Variants in C1QTNF9B observed in about 807,000 individuals in gnomAD.
The protein encoded by C1QTNF9B is complement C1q and tumor necrosis factor-related protein 9B.
In C1QTNF9B, 9 loss-of-function variants were observed where a neutral mutation model predicts 10.1. The observed-to-expected ratio is 0.89, with a 90% CI of 0.53 to 1.55. The LOEUF is 1.55. Ranked by LOEUF, C1QTNF9B falls within the 40% of genes most tolerant of loss-of-function variation. C1QTNF9B has a pLI of 0.00. For synonymous variants in C1QTNF9B, 79 were observed against 159.9 expected, an observed-to-expected ratio of 0.49 and a Z score of 3.82; for missense variants, 196 against 414.4, an observed-to-expected ratio of 0.47 and a Z score of 4.58.
At position 23,894,214 on chromosome 13, in the gene C1QTNF9B, G is replaced by A. The variant is rs1182449130; in HGVS notation, c.167-13C>T. 6.8e-7 allele frequency: 1 copy of A among 1,477,222 alleles called. No homozygotes were observed. 91.5% of individuals were successfully genotyped at this position (1,477,222 alleles called of 1,614,324 possible). A position where few individuals can be genotyped will look rare whatever the true frequency, so the allele number is the denominator to read the frequency against. On this transcript the variant is annotated splice_polypyrimidine_tract_variant and intron_variant, in intron 1 of 2. Coordinates refer to ENST00000382137, the Ensembl canonical transcript of C1QTNF9B. ...CATCCTGGTTCTCCTAGGTGGAAAA[G>A]CAGAAAACAGGCATGAGTTGAAATT...
At chr13:23,892,566 G>C (rs1378425631) in intron 2 of C1QTNF9B, among the ~76,000 whole-genome samples, 1 of 152,144 alleles carries the variant, frequency 6.6e-6, no homozygotes, top group Non-Finnish European at 1.5e-5. Flanking sequence ...GAGGTGGGAG[G>C]ATGGCTTGAG....
rs200382227 is a variant in C1QTNF9B at position 23,891,529 on chromosome 13, G to T, written c.762C>A (p.His254Gln). 1.4e-5 allele frequency: 22 copies of T among 1,608,104 alleles called. 1 individual carries two copies. Among genetic ancestry groups the T allele is most frequent in the Admixed American group, 3.4e-5 (2 of 59,674 alleles). ...GAACATTCCTGGAGAAAACAGTGAT[G>T]TGGTAGGTGAAGTAATAGACCCCAG... is the stretch of plus-strand genomic sequence containing the variant. Residue 254 changes from histidine (H) to glutamine (Q), a missense_variant, in exon 3 of 3, where the codon CAC (histidine) becomes CAA (glutamine). Around this residue, in one of 5 missense-constraint regions of C1QTNF9B, gnomAD observed 28 missense variants for 74.9 expected, o/e 0.37. Transcript: ENST00000382137.
At position 23,892,096 on chromosome 13, in the gene C1QTNF9B, G is replaced by A. The variant is rs776195841; in HGVS notation, c.230-35C>T. Reference sequence around the variant, plus strand: ...GAAAGAGCAAATAAAGAGATAGTTTGTGAAAGATTCCCTTGTGAACAACTT... The same window carrying A: ...GAAAGAGCAAATAAAGAGATAGTTTATGAAAGATTCCCTTGTGAACAACTT... On this transcript the variant is annotated intron_variant, in intron 2 of 2. Coordinates refer to ENST00000382137, the Ensembl canonical transcript of C1QTNF9B. 18 of 1,608,150 alleles carry A rather than the reference G, an allele frequency of 1.1e-5. No homozygotes were observed. The East Asian group carries it at 4.0e-4, about 36-fold the overall frequency.
intron 1 of C1QTNF9B, chr13:23,894,655 A>G (rs974383197): frequency 4.6e-5 from 21 of 459,488 alleles, no homozygotes; most frequent in Non-Finnish European, 8.7e-5. Flanking sequence ...ATGAAAACAC[A>G]GATGACTATG....
intron 1 of C1QTNF9B, among the ~76,000 whole-genome samples, chr13:23,896,034 G>A (rs1211524997): frequency 6.6e-6 from 1 of 152,244 alleles, no homozygotes; most frequent in Non-Finnish European, 1.5e-5. Flanking sequence ...ATGCCATAAA[G>A]TGAGACATGT....
rs112644724 is a variant in C1QTNF9B, at chr13:23,892,340, T to TA, written c.230-280dup. Among the ~76,000 whole-genome samples the TA allele has an allele frequency of 1.8e-3, 269 of 151,930 alleles. 1 individual carries two copies. The highest frequency in any genetic ancestry group is 6.3e-3 in the African/African-American group (261 of 41,408). ...CCTGACTCTAAAAAAATAAAAATAA[T>TA]AAAAAAATAAGAAAATAAAATTCAA... is the stretch of plus-strand genomic sequence containing the variant. On this transcript the variant is annotated intron_variant, in intron 2 of 2. Transcript: ENST00000382137.
chr13:23,892,136 T>C (rs1192401550), intron 2 of C1QTNF9B, 75 bp from the exon 5 acceptor site: 14 of 1,573,386 alleles, frequency 8.9e-6, no homozygotes, highest in Middle Eastern at 1.7e-4. Context: ...TTTTCTATAA[T>C]TGAGCTCACA....
exon 3 of C1QTNF9B, chr13:23,891,492 C>T (rs1266005017): frequency 6.2e-6 from 10 of 1,600,698 alleles, no homozygotes; most frequent in Non-Finnish European, 8.5e-6. Flanking sequence ...CCGTTTTTGA[C>T]CAAAGACACC....
intron 1 of C1QTNF9B, 44 bp downstream of exon 3, chr13:23,896,777 T>C (rs759626247): frequency 4.3e-6 from 7 of 1,610,102 alleles, no homozygotes; most frequent in Admixed American, 1.7e-5. Context: ...ATGAAAGTAA[T>C]GAAGAGAGAA....
intron 1 of C1QTNF9B, chr13:23,894,540 G>A (rs1872132265): frequency 1.8e-6 from 1 of 558,710 alleles, no homozygotes; most frequent in Admixed American, 2.2e-5. Context: ...CTGCGACAAG[G>A]ACTTGGGACG....
Position 23,897,000 on chromosome 13 carries a change from G to T in C1QTNF9B, c.-14C>A. On this transcript the variant is annotated 5_prime_UTR_variant, in exon 1 of 3. It adds an upstream start codon to the 5' untranslated region. Coordinates refer to ENST00000382137, the Ensembl canonical transcript of C1QTNF9B. ...CCAGATCCTCATGGTTCAGATGACA[G>T]ACTGAACTGAAAGAGGGAAACAGAA... The T allele has an allele frequency of 1.2e-6, 2 of 1,613,536 alleles. No individual in the cohort carries two copies. Among genetic ancestry groups the T allele is most frequent in the Non-Finnish European group, 1.7e-6 (2 of 1,179,752 alleles).
At chr13:23,892,158 G>A in intron 2 of C1QTNF9B, 97 bp from the exon 5 acceptor site, 1 of 1,460,730 alleles carries the variant, frequency 6.8e-7, no homozygotes, top group African/African-American at 1.4e-5. Context: ...ATGAAACAAA[G>A]TAGTACACAG....
At chr13:23,895,106 G>A (rs1872150447) in intron 1 of C1QTNF9B, among the ~76,000 whole-genome samples, 1 of 152,096 alleles carries the variant, frequency 6.6e-6, no homozygotes, top group Non-Finnish European at 1.5e-5. Flanking sequence ...GTCAGCGTGG[G>A]ACCTCTGAAT....
chr13:23,892,108 C>T (rs1219879762), intron 2 of C1QTNF9B, 47 bp from the exon 5 acceptor site: 2 of 1,605,336 alleles, frequency 1.2e-6, no homozygotes, highest in African/African-American at 2.7e-5. Context: ...GAAAGATTCC[C>T]TTGTGAACAA....
At chr13:23,892,808 G>A (rs767114890) in intron 2 of C1QTNF9B, among the ~76,000 whole-genome samples, 2 of 152,158 alleles carry the variant, frequency 1.3e-5, no homozygotes, top group Admixed American at 6.5e-5. Flanking sequence ...AGTCTACCAT[G>A]CTGGCTATTA....
exon 3 of C1QTNF9B, chr13:23,891,424 G>A: frequency 6.3e-7 from 1 of 1,582,012 alleles, no homozygotes; most frequent in South Asian, 1.1e-5. Flanking sequence ...GGACAATGCT[G>A]CCAGAGGCCT....
At chr13:23,896,323 T>G (rs1332466629) in intron 1 of C1QTNF9B, among the ~76,000 whole-genome samples, 1 of 152,186 alleles carries the variant, frequency 6.6e-6, no homozygotes, top group African/African-American at 2.4e-5. Flanking sequence ...GGTCATAGAT[T>G]CATAAGCAGC....
chr13:23,892,565 G>A (rs561439136), intron 2 of C1QTNF9B, among the ~76,000 whole-genome samples: 92 of 152,300 alleles, frequency 6.0e-4, no homozygotes, highest in Non-Finnish European at 1.2e-3. Flanking sequence ...TGAGGTGGGA[G>A]GATGGCTTGA....
chr13:23,894,061 A>T, intron 2 of C1QTNF9B, 78 bp downstream of exon 4: 1 of 1,376,714 alleles, frequency 7.3e-7, no homozygotes, highest in Middle Eastern at 1.8e-4. Context: ...TATAATCAGC[A>T]TGGAGGACTT....
Sources: gnomAD v4.1 joint callset for allele counts (sites outside exome capture counted in the v4.1 genomes callset) on GRCh38, gnomAD v4.1.1 for gene constraint, gnomAD v4.1.1 regional missense constraint, MANE v1.5 for transcripts, NCBI Gene and HGNC (gene_info 2026-07-23, HGNC 2026-07-21) for gene names.